The following CHST4 variants were observed in gnomAD, a reference collection of about 807,000 sequenced individuals.
The protein encoded by CHST4 is carbohydrate sulfotransferase 4.
For missense variants in CHST4, 466 were observed against 506.0 expected, an observed-to-expected ratio of 0.92 and a Z score of 0.76; for synonymous variants, 171 against 195.5, an observed-to-expected ratio of 0.87 and a Z score of 1.05.
chr16:71,530,314 G>T (rs1024962816), intron 1 of CHST4, among the ~76,000 whole-genome samples: 1 of 152,064 alleles, frequency 6.6e-6, no homozygotes, highest in Non-Finnish European at 1.5e-5. Context: ...ACTGAAAGTC[G>T]GGAGCCTAAG....
At chr16:71,536,558 T>C (rs2043989527) in intron 1 of CHST4, 102 bp from the exon 2 acceptor site, 1 of 764,352 alleles carries the variant, frequency 1.3e-6, no homozygotes, top group Non-Finnish European at 1.9e-6. Context: ...ATGTTGCTCC[T>C]TGGTAGGGGG....
intron 1 of CHST4, among the ~76,000 whole-genome samples, chr16:71,532,193 G>T (rs1030123585): frequency 6.6e-6 from 1 of 151,894 alleles, no homozygotes; most frequent in Non-Finnish European, 1.5e-5. Flanking sequence ...GACTATAGGT[G>T]CCCGCCACCA....
chr16:71,536,810 G>C lies in CHST4; in HGVS notation c.133G>C (p.Val45Leu). The C allele has an allele frequency of 6.5e-7, 1 of 1,531,890 alleles. No individual in the cohort carries two copies. The highest frequency in any genetic ancestry group is 1.4e-5 in the African/African-American group (1 of 72,338). The allele number at this position is 1,531,890 out of a possible 1,614,324, so 94.9% of individuals were successfully genotyped here. The change falls in exon 2 of 2, where the codon GTG becomes CTG. Residue 45 changes from valine to leucine, a missense_variant. Physicochemically the swap from Val to Leu is conservative, Grantham distance 32. Coordinates refer to ENST00000539698, the MANE Select transcript of CHST4 (RefSeq NM_001166395.2). ...SMKAQPERMH[V>L]LVLSSWRSGS... is the part of the protein sequence containing the mutation. ...GAAGGCACAGCCCGAGCGCATGCACGTGCTGGTTCTGTCTTCCTGGCGCTC... is the reference window on the plus strand; with the variant it reads ...GAAGGCACAGCCCGAGCGCATGCACCTGCTGGTTCTGTCTTCCTGGCGCTC...
rs749820062 is a variant in CHST4, at chr16:71,536,837, G to A, written c.160G>A (p.Gly54Ser). The A allele has an allele frequency of 4.5e-6, 7 of 1,544,562 alleles. No individual in the cohort carries two copies. The East Asian group carries it at 1.6e-4, about 35-fold the overall frequency. ...GCTGGTTCTGTCTTCCTGGCGCTCT[G>A]GCTCTTCTTTTGTGGGGCAGCTTTT... ...HVLVLSSWRS[G>S]SSFVGQLFGQ... Residue 54 changes from glycine to serine, a missense_variant, in exon 2 of 2, where the codon GGC becomes AGC. Gly to Ser is a moderately conservative substitution (Grantham distance 56, BLOSUM62 0). Coordinates refer to ENST00000539698, the MANE Select transcript of CHST4 (RefSeq NM_001166395.2).
In CHST4 at chr16:71,533,819, G is replaced by A. The variant is rs145358112; in HGVS notation, c.-18-2841G>A. 5.4e-3 allele frequency among the ~76,000 whole-genome samples: 815 copies of A among 151,528 alleles called. 10 individuals are homozygous for A. The highest frequency in any genetic ancestry group is 0.019 in the African/African-American group (791 of 41,290). On this transcript the variant is annotated intron_variant, in intron 1 of 1. Transcript: ENST00000539698. Reference sequence around the variant, plus strand: ...GCATTTTTGGGAGGCTGAGGCAGGCGGATCACAAGGTCAGGAGATCAAGAC... The same window carrying A: ...GCATTTTTGGGAGGCTGAGGCAGGCAGATCACAAGGTCAGGAGATCAAGAC...
intron 1 of CHST4, among the ~76,000 whole-genome samples, chr16:71,530,661 G>A (rs551638921): frequency 1.3e-5 from 2 of 152,210 alleles, no homozygotes; most frequent in East Asian, 3.9e-4. Context: ...CAGCTACTGG[G>A]GAGGCTGAGA....
At chr16:71,530,505 C>A (rs1398871212) in intron 1 of CHST4, among the ~76,000 whole-genome samples, 1 of 152,100 alleles carries the variant, frequency 6.6e-6, no homozygotes, top group African/African-American at 2.4e-5. Flanking sequence ...GTGGCTCACA[C>A]CTGTAATCCC....
chr16:71,537,354 G>A lies in CHST4; in HGVS notation c.677G>A (p.Arg226His), dbSNP rs540647946. The A allele has an allele frequency of 9.9e-6, 16 of 1,613,994 alleles. No homozygotes were observed. Among genetic ancestry groups the A allele is most frequent in the South Asian group, 4.4e-5 (4 of 91,086 alleles). The change falls in exon 2 of 2, where the codon CGC becomes CAC. Residue 226 changes from arginine to histidine, a missense_variant. Transcript: ENST00000539698. This position sits in a 1 kb window ranked among gnomAD's most constrained non-coding sequence, Gnocchi z 4.2. Reference sequence around the variant, plus strand: ...AAGGGAGATCTCATGATTGACAGTCGCATTGTGATGGGGCAGCATGAGCAA... The same window carrying A: ...AAGGGAGATCTCATGATTGACAGTCACATTGTGATGGGGCAGCATGAGCAA... The part of the protein sequence containing the change: ...RTKGDLMIDS[R>H]IVMGQHEQKL...
At chr16:71,530,698 C>G (rs966172879) in intron 1 of CHST4, among the ~76,000 whole-genome samples, 2 of 151,936 alleles carry the variant, frequency 1.3e-5, no homozygotes, top group African/African-American at 2.4e-5. Flanking sequence ...CACTTGAGCC[C>G]AGGAGTTCAA....
Position 71,536,757 on chromosome 16 carries a change from A to G in CHST4, c.80A>G (p.Tyr27Cys), listed in dbSNP as rs1475364184. The G allele has an allele frequency of 6.6e-7, 1 of 1,508,372 alleles. No homozygotes were observed. The highest frequency in any genetic ancestry group is 8.9e-7 in the Non-Finnish European group (1 of 1,129,400). 93.4% of individuals were successfully genotyped at this position (1,508,372 alleles called of 1,614,324 possible). The change falls in exon 2 of 2, where the codon TAC (tyrosine) becomes TGC (cysteine). Residue 27 changes from tyrosine (Y) to cysteine (C), a missense_variant. Physicochemically the swap from Tyr to Cys is radical, Grantham distance 194. Transcript: ENST00000539698. The part of the protein sequence containing the change: ...MAILALFFHM[Y>C]SHNISSLSMK... ...ATCTTGGCTCTATTCTTCCACATGT[A>G]CAGCCACAACATCAGCTCCCTGTCT... is the stretch of plus-strand genomic sequence containing the variant.
At chr16:71,526,797 G>A (rs778750049) in intron 1 of CHST4, among the ~76,000 whole-genome samples, 14 of 152,158 alleles carry the variant, frequency 9.2e-5, no homozygotes, top group Non-Finnish European at 1.8e-4. Context: ...CAACTGACTC[G>A]TTCAGATCCT....
chr16:71,527,003 G>A (rs2145199610), intron 1 of CHST4, among the ~76,000 whole-genome samples: 1 of 152,310 alleles, frequency 6.6e-6, no homozygotes, highest in Non-Finnish European at 1.5e-5. Context: ...TACCGGATGA[G>A]CCAGTCAATT....
chr16:71,531,924 C>G (rs1832718735), intron 1 of CHST4, among the ~76,000 whole-genome samples: 1 of 152,048 alleles, frequency 6.6e-6, no homozygotes, highest in South Asian at 2.1e-4. Flanking sequence ...CTAAAGTCAC[C>G]TCTTCAGTCT....
chr16:71,526,733 C>T (rs2043911587), intron 1 of CHST4, among the ~76,000 whole-genome samples: 1 of 152,176 alleles, frequency 6.6e-6, no homozygotes, highest in African/African-American at 2.4e-5. Context: ...CAAAAGAGCC[C>T]AGAGAGCAGA....
intron 1 of CHST4, among the ~76,000 whole-genome samples, chr16:71,533,426 CAA>C (rs11299179): frequency 5.0e-4 from 49 of 98,420 alleles, no homozygotes; most frequent in South Asian, 1.7e-3. Flanking sequence ...GACTCTGTCT[CAA>C]AAAAAAAAAA....
In CHST4 at chr16:71,536,969, A is replaced by T. The variant is rs1194080543; in HGVS notation, c.292A>T (p.Ile98Leu). ...WMLHMAVRDL[I>L]RAVFLCDMSV... ...GCTGCACATGGCTGTGCGGGATCTG[A>T]TACGGGCCGTCTTCTTGTGCGACAT... The change falls in exon 2 of 2, where the codon ATA (isoleucine) becomes TTA (leucine). Residue 98 changes from isoleucine to leucine, a missense_variant. Physicochemically the swap from Ile to Leu is conservative, Grantham distance 5. Coordinates refer to ENST00000539698, the MANE Select transcript of CHST4 (RefSeq NM_001166395.2). The T allele has an allele frequency of 6.2e-7, 1 of 1,613,906 alleles. No individual in the cohort carries two copies. The highest frequency in any genetic ancestry group is 1.7e-5 in the Admixed American group (1 of 60,008).
intron 1 of CHST4, among the ~76,000 whole-genome samples, chr16:71,531,623 G>A (rs1454274977): frequency 2.6e-5 from 4 of 152,276 alleles, no homozygotes; most frequent in Non-Finnish European, 4.4e-5. Flanking sequence ...CAGTTGGCAG[G>A]CAAGGAGGGT....
intron 1 of CHST4, among the ~76,000 whole-genome samples, chr16:71,529,696 C>T (rs527440238): frequency 2.0e-5 from 3 of 151,646 alleles, no homozygotes; most frequent in Non-Finnish European, 2.9e-5. Flanking sequence ...TTTAATGAGC[C>T]GAGCCCTGAT....
rs1282785191 is a variant in CHST4, at chr16:71,537,473, GC to G, written c.799del (p.Leu267CysfsTer88). The G allele has an allele frequency of 1.9e-6, 3 of 1,614,064 alleles. No individual in the cohort carries two copies. Among genetic ancestry groups the G allele is most frequent in the Admixed American group, 3.3e-5 (2 of 60,012 alleles). ...CAAGACCATCCAGTCCTTGCCCAAG[GC>G]CCTGCAGGAACGCTACCTGCTTGTG... ...IYKTIQSLPK[A>X]LQERYLLVRY... On this transcript the variant is annotated frameshift_variant, in exon 2 of 2. Transcript: ENST00000539698. LOFTEE classifies it low-confidence loss of function (END_TRUNC). This position sits in a 1 kb window ranked among gnomAD's most constrained non-coding sequence, Gnocchi z 4.2.
Sources: allele counts gnomAD v4.1 joint callset (sites outside exome capture counted in the v4.1 genomes callset), GRCh38; gene constraint gnomAD v4.1.1; non-coding constraint Gnocchi (gnomAD v3.1); transcripts MANE v1.5; gene names NCBI Gene and HGNC (gene_info 2026-07-23, HGNC 2026-07-21).